Variants in ELAVL4 observed in about 807,000 individuals in gnomAD.
ELAVL4 encodes ELAV like RNA binding protein 4.
In ELAVL4, 1 loss-of-function variant was observed where a neutral mutation model predicts 35.6. The ratio of observed to expected loss-of-function variants is 0.03; its 90% CI spans 0.01 to 0.13. The LOEUF is 0.13. ELAVL4 is among the 10% of genes least tolerant of loss of function. The probability of loss-of-function intolerance (pLI) is 1.00; values close to 1 mark genes in which losing one functional copy is unlikely to be tolerated. For synonymous variants in ELAVL4, 156 were observed against 171.0 expected (o/e 0.91, Z 0.69); for missense variants, 267 against 464.9 (o/e 0.57, Z 3.91).
chr1:50,074,612 A>G (rs1664680553), intron 1 of ELAVL4, among the ~76,000 whole-genome samples: 1 of 152,198 alleles, frequency 6.6e-6, no homozygotes, highest in Non-Finnish European at 1.5e-5. Context: ...TGCAATTACT[A>G]TATGGTGAGC....
chr1:50,054,628 A>G (rs1414240230), intron 1 of ELAVL4, among the ~76,000 whole-genome samples: 1 of 152,072 alleles, frequency 6.6e-6, no homozygotes. Context: ...TATTTTGTTT[A>G]CAGTTTACAA....
At chr1:50,197,131 A>C (rs1403753982) in intron 5 of ELAVL4, among the ~76,000 whole-genome samples, 1 of 152,194 alleles carries the variant, frequency 6.6e-6, no homozygotes, top group Non-Finnish European at 1.5e-5. Context: ...ATTTCACTAC[A>C]ATATAAAACA....
intron 1 of ELAVL4, among the ~76,000 whole-genome samples, chr1:50,078,197 TG>T (rs1194314783): frequency 6.6e-6 from 1 of 151,418 alleles, no homozygotes; most frequent in Non-Finnish European, 1.5e-5. Context: ...GTAGTAGTGG[TG>T]GTGATGACGA....
chr1:50,068,169 G>A (rs1664353908), intron 1 of ELAVL4, among the ~76,000 whole-genome samples: 2 of 152,100 alleles, frequency 1.3e-5, no homozygotes, highest in Non-Finnish European at 2.9e-5. Flanking sequence ...GATAGGTTAG[G>A]GGAACTTGTT....
intron 1 of ELAVL4, among the ~76,000 whole-genome samples, chr1:50,118,299 G>T (rs1401537196): frequency 6.6e-6 from 1 of 152,056 alleles, no homozygotes; most frequent in Non-Finnish European, 1.5e-5. Context: ...CTCACGGAAT[G>T]GTGAAGAGGT....
chr1:50,155,001 C>T (rs1366555407), intron 2 of ELAVL4, among the ~76,000 whole-genome samples: 1 of 151,752 alleles, frequency 6.6e-6, no homozygotes, highest in Admixed American at 6.6e-5. Context: ...CTCAAACGGA[C>T]CACCTAGTTT....
chr1:50,119,066 AAG>A (rs1189296572), intron 1 of ELAVL4, among the ~76,000 whole-genome samples: 5 of 136,064 alleles, frequency 3.7e-5, no homozygotes, highest in African/African-American at 1.4e-4. Flanking sequence ...GAAAGAAAGA[AAG>A]AAAGAAAGAA....
At chr1:50,080,246 A>G (rs74960612) in intron 1 of ELAVL4, among the ~76,000 whole-genome samples, 3,589 of 152,282 alleles carry the variant, frequency 0.024, 113 homozygotes, top group African/African-American at 0.082. Context: ...CTGATCCTGG[A>G]TAGGCTTGTA....
At chr1:50,108,874 C>T (rs111932166), upstream of ELAVL4, 7 of 1,030,934 alleles carry the variant, frequency 6.8e-6, no homozygotes, top group African/African-American at 6.8e-5. Context: ...ATCCAGGCTT[C>T]GGCTGACAGA....
intron 2 of ELAVL4, among the ~76,000 whole-genome samples, chr1:50,157,675 G>A (rs529979053): frequency 3.9e-5 from 6 of 152,206 alleles, no homozygotes; most frequent in African/African-American, 1.4e-4. Context: ...GAGTTCATAA[G>A]AAAGTTTAAT....
At chr1:50,133,659 A>AAGAAAG (rs1671400850) in intron 1 of ELAVL4, among the ~76,000 whole-genome samples, 2 of 145,940 alleles carry the variant, frequency 1.4e-5, no homozygotes, top group African/African-American at 2.5e-5. Flanking sequence ...AAGAGAAAGA[A>AAGAAAG]AGAAAGAAAG....
At chr1:50,054,969 G>A (rs952065114) in intron 1 of ELAVL4, among the ~76,000 whole-genome samples, 3 of 152,228 alleles carry the variant, frequency 2.0e-5, no homozygotes, top group Admixed American at 1.3e-4. Flanking sequence ...CAGTGGCTGC[G>A]TGGAGGCCAC....
At chr1:50,158,936 G>C (rs1053961217) in intron 2 of ELAVL4, among the ~76,000 whole-genome samples, 28 of 151,852 alleles carry the variant, frequency 1.8e-4, no homozygotes, top group African/African-American at 6.5e-4. Context: ...TATTCGGGAG[G>C]CTGAGGCAGA....
chr1:50,117,009 C>T (rs943067629), intron 1 of ELAVL4, among the ~76,000 whole-genome samples: 2 of 151,974 alleles, frequency 1.3e-5, no homozygotes, highest in African/African-American at 4.8e-5. Context: ...GTAACCATTC[C>T]CCAAAGGAAG....
intron 1 of ELAVL4, among the ~76,000 whole-genome samples, chr1:50,135,897 T>TGAG (rs1310977879): frequency 6.6e-6 from 1 of 152,138 alleles, no homozygotes; most frequent in Non-Finnish European, 1.5e-5. Context: ...ACCTGTAATT[T>TGAG]GGTTGGAAGG....
intron 3 of ELAVL4, among the ~76,000 whole-genome samples, chr1:50,182,976 G>A (rs575029247): frequency 2.0e-5 from 3 of 151,562 alleles, no homozygotes; most frequent in South Asian, 2.1e-4. Context: ...TCCTGCCTCA[G>A]CCTCCCGAGT....
At chr1:50,095,135 AG>A (rs1356891142) in intron 1 of ELAVL4, among the ~76,000 whole-genome samples, 1 of 152,182 alleles carries the variant, frequency 6.6e-6, no homozygotes, top group African/African-American at 2.4e-5. Flanking sequence ...GCTTGAGTTC[AG>A]TGGAAGTGCT....
At chr1:50,168,193 A>G (rs1678297291) in intron 2 of ELAVL4, among the ~76,000 whole-genome samples, 1 of 151,924 alleles carries the variant, frequency 6.6e-6, no homozygotes, top group African/African-American at 2.4e-5. Flanking sequence ...ATCATAGGGA[A>G]CTCCCCATGA....
intron 1 of ELAVL4, among the ~76,000 whole-genome samples, chr1:50,056,871 G>A (rs1027721174): frequency 6.6e-6 from 1 of 151,272 alleles, no homozygotes; most frequent in Non-Finnish European, 1.5e-5. Flanking sequence ...GGCAGAGCTT[G>A]CAGTAAGCCA....
Sources: allele counts gnomAD v4.1 joint callset (sites outside exome capture counted in the v4.1 genomes callset), GRCh38; gene constraint gnomAD v4.1.1; transcripts MANE v1.5; gene names NCBI Gene and HGNC (gene_info 2026-07-23, HGNC 2026-07-21).